The following CEP128 variants were observed in gnomAD, a reference collection of about 807,000 sequenced individuals.
CEP128 encodes the protein centrosomal protein 128kDa.
Under a neutral mutation model 156.7 loss-of-function variants are expected in CEP128, and 132 were observed. The observed-to-expected ratio is 0.84, with a 90% CI of 0.73 to 0.97. The LOEUF (loss-of-function observed/expected upper bound fraction) is 0.97. Among genes scored for constraint, CEP128 ranks in the 50% least tolerant of loss-of-function variants. The pLI is 0.00. For missense variants in CEP128, 1,252 were observed against 1,281.9 expected, an observed-to-expected ratio of 0.98 and a Z score of 0.36; for synonymous variants, 469 against 448.9, an observed-to-expected ratio of 1.04 and a Z score of -0.57.
intron 19 of CEP128, among the ~76,000 whole-genome samples, chr14:80,712,360 G>A (rs1156260178): frequency 1.3e-5 from 2 of 152,022 alleles, no homozygotes; most frequent in African/African-American, 4.8e-5. Context: ...CTCACCCCAG[G>A]CTCCATCCAG....
At chr14:80,748,064 A>G (rs1899197929) in intron 18 of CEP128, among the ~76,000 whole-genome samples, 1 of 152,252 alleles carries the variant, frequency 6.6e-6, no homozygotes, top group Non-Finnish European at 1.5e-5. Flanking sequence ...GGTAGAGAGT[A>G]AGTCAAGGCA....
chr14:80,561,239 CT>C (rs1287819879), intron 20 of CEP128, among the ~76,000 whole-genome samples: 1 of 152,206 alleles, frequency 6.6e-6, no homozygotes, highest in Non-Finnish European at 1.5e-5. Flanking sequence ...CAGACTGTTT[CT>C]AGCAATATAA....
intron 19 of CEP128, among the ~76,000 whole-genome samples, chr14:80,637,715 C>T (rs1225935145): frequency 6.6e-6 from 1 of 151,776 alleles, no homozygotes; most frequent in Non-Finnish European, 1.5e-5. Flanking sequence ...CTATCAGTAA[C>T]ATCTTTGCAG....
At chr14:80,868,994 G>A (rs1052397013) in intron 8 of CEP128, among the ~76,000 whole-genome samples, 16 of 151,980 alleles carry the variant, frequency 1.1e-4, no homozygotes, top group African/African-American at 3.9e-4. Context: ...AATATATAAA[G>A]CAAATCTTAA....
chr14:80,839,208 T>C (rs1056529597), intron 10 of CEP128, among the ~76,000 whole-genome samples: 1 of 152,232 alleles, frequency 6.6e-6, no homozygotes, highest in Non-Finnish European at 1.5e-5. Flanking sequence ...CTTAACAATT[T>C]AGAGCTTATA....
chr14:80,838,776 A>G lies in CEP128; in HGVS notation c.850-498T>C, dbSNP rs1376183102. Among the ~76,000 whole-genome samples, 4 of 152,332 alleles carry G rather than the reference A, an allele frequency of 2.6e-5. No homozygotes were observed. The East Asian group carries it at 7.7e-4, about 29-fold the overall frequency. ...TTCCTACATTCCTAATATTTCTAAT[A>G]TTTATAAGACATTCCTTAAATTTTT... On this transcript the variant is annotated intron_variant, in intron 10 of 24. Coordinates refer to ENST00000555265, the MANE Select transcript of CEP128 (RefSeq NM_152446.5).
At chr14:80,818,898 T>G (rs932693740) in intron 13 of CEP128, among the ~76,000 whole-genome samples, 2 of 152,228 alleles carry the variant, frequency 1.3e-5, no homozygotes, top group Non-Finnish European at 2.9e-5. Context: ...TTAAATATAT[T>G]ATTCTGTCCT....
chr14:80,598,594 CT>C (rs1380214337), intron 19 of CEP128, among the ~76,000 whole-genome samples: 2 of 152,040 alleles, frequency 1.3e-5, no homozygotes, highest in Non-Finnish European at 2.9e-5. Flanking sequence ...TACAGCAATA[CT>C]TTTTTGTAGC....
At chr14:80,584,775 CTTG>C (rs1234723566) in intron 19 of CEP128, among the ~76,000 whole-genome samples, 1 of 152,106 alleles carries the variant, frequency 6.6e-6, no homozygotes, top group African/African-American at 2.4e-5. Flanking sequence ...AATGAACAAT[CTTG>C]TTGTTTGTTC....
rs193279914 is a variant in CEP128 at position 80,588,708 on chromosome 14, A to G, written c.2807-8285T>C. ...TTTTAAAGACGAATTATTACAGCTC[A>G]GCTCTATTCAAAGTGTTTGCATCTT... On this transcript the variant is annotated intron_variant, in intron 19 of 24. Transcript: ENST00000555265. 6.6e-5 allele frequency among the ~76,000 whole-genome samples: 10 copies of G among 152,246 alleles called. No homozygotes were observed. The East Asian group carries it at 1.9e-3, about 29-fold the overall frequency.
At chr14:80,530,476 C>A (rs1000503879) in intron 22 of CEP128, among the ~76,000 whole-genome samples, 1 of 152,180 alleles carries the variant, frequency 6.6e-6, no homozygotes, top group Non-Finnish European at 1.5e-5. Flanking sequence ...ATTAAAATTG[C>A]TAACCAAAAA....
chr14:80,691,697 A>C (rs1896724871), intron 19 of CEP128, among the ~76,000 whole-genome samples: 1 of 152,216 alleles, frequency 6.6e-6, no homozygotes, highest in African/African-American at 2.4e-5. Flanking sequence ...GCACACCTCT[A>C]GAGTTGAACC....
chr14:80,765,985 A>T lies in CEP128; in HGVS notation c.2377-4372T>A, dbSNP rs116907906. Among the ~76,000 whole-genome samples, 1,263 of 152,340 alleles carry T rather than the reference A, an allele frequency of 8.3e-3. 15 individuals carry two copies. The highest frequency in any genetic ancestry group is 0.01 in the Non-Finnish European group (687 of 68,020). Reference sequence around the variant, plus strand: ...TGAGGACTAATGTCCTAAAGTAGAAAGGAGAAATCAAAAATTAAATTCTGA... The same window carrying T: ...TGAGGACTAATGTCCTAAAGTAGAATGGAGAAATCAAAAATTAAATTCTGA... On this transcript the variant is annotated intron_variant, in intron 16 of 24. Coordinates refer to ENST00000555265, the MANE Select transcript of CEP128 (RefSeq NM_152446.5).
At chr14:80,620,546 G>C (rs1220879590) in intron 19 of CEP128, among the ~76,000 whole-genome samples, 3 of 152,174 alleles carry the variant, frequency 2.0e-5, no homozygotes, top group Admixed American at 1.3e-4. Context: ...ACAGAAGATA[G>C]CAGCAACAAG....
At chr14:80,897,918 C>T (rs1337024964) in intron 7 of CEP128, among the ~76,000 whole-genome samples, 2 of 152,166 alleles carry the variant, frequency 1.3e-5, no homozygotes, top group African/African-American at 4.8e-5. Context: ...GCTGGGACCA[C>T]AGGCATGTGC....
intron 14 of CEP128, among the ~76,000 whole-genome samples, chr14:80,790,769 A>T (rs1324530499): frequency 6.6e-6 from 1 of 151,872 alleles, no homozygotes; most frequent in Non-Finnish European, 1.5e-5. Context: ...TTTTTTAAGT[A>T]ACAAATCTTA....
intron 2 of CEP128, chr14:80,957,713 A>G (rs891823415): frequency 6.6e-6 from 1 of 152,260 alleles, no homozygotes; most frequent in Non-Finnish European, 1.5e-5. Context: ...GCAATGGAAC[A>G]GGAGTCAGGA....
chr14:80,849,820 C>T (rs1196383162), intron 9 of CEP128, among the ~76,000 whole-genome samples: 1 of 151,838 alleles, frequency 6.6e-6, no homozygotes, highest in Non-Finnish European at 1.5e-5. Flanking sequence ...AGATGGACAA[C>T]AGTGTACAAA....
rs144269244 is a variant in CEP128, at chr14:80,548,486, A to G, written c.2880+10793T>C. Among the ~76,000 whole-genome samples, 242 of 152,324 alleles carry G rather than the reference A, an allele frequency of 1.6e-3. 1 individual carries two copies. The highest frequency in any genetic ancestry group is 5.4e-3 in the African/African-American group (226 of 41,560). On this transcript the variant is annotated intron_variant, in intron 21 of 24. Coordinates refer to ENST00000555265, the MANE Select transcript of CEP128 (RefSeq NM_152446.5). ...ATGGTTAAGTTAGGATCTTAAAAAGATATCAAATATACTATCATTACTCTG... is the reference window on the plus strand; with the variant it reads ...ATGGTTAAGTTAGGATCTTAAAAAGGTATCAAATATACTATCATTACTCTG...
Sources: gnomAD v4.1 joint callset for allele counts (sites outside exome capture counted in the v4.1 genomes callset) on GRCh38, gnomAD v4.1.1 for gene constraint, MANE v1.5 for transcripts, NCBI Gene and HGNC (gene_info 2026-07-23, HGNC 2026-07-21) for gene names.